SCN10A: variants seen among roughly 807,000 people sequenced by gnomAD.
SCN10A encodes sodium voltage-gated channel alpha subunit 10, also known as sodium channel protein type 10 subunit alpha.
SCN10A carries 162 observed loss-of-function variants against 170.7 expected under a neutral mutation model. That is an observed-to-expected ratio of 0.95 (90% confidence interval 0.84 to 1.08). The LOEUF (loss-of-function observed/expected upper bound fraction) is 1.08. Among genes scored for constraint, SCN10A ranks in the 50% least tolerant of loss-of-function variants. The pLI, the probability that SCN10A is intolerant of heterozygous loss-of-function variation, is 0.00. For synonymous variants in SCN10A, 985 were observed against 904.6 expected (o/e 1.09, Z -1.59); for missense variants, 2,527 against 2,436.9 (o/e 1.04, Z -0.78).
intron 13 of SCN10A, among the ~76,000 whole-genome samples, chr3:38,743,801 A>G (rs182555158): frequency 3.9e-5 from 6 of 152,034 alleles, no homozygotes; most frequent in African/African-American, 1.2e-4. Flanking sequence ...GTGTTTTTGA[A>G]TCTCATAGCC....
At position 38,750,199 on chromosome 3, in the gene SCN10A, A is replaced by G. The variant is rs368833802; in HGVS notation, c.1756-15T>C. ...GCATCGAATGCCTGTTGAGACACAA[A>G]CAGAGTCAGGACGCTCCTTTAACCT... On this transcript the variant is annotated splice_polypyrimidine_tract_variant and intron_variant, in intron 12 of 27. Coordinates refer to ENST00000449082, the MANE Select transcript of SCN10A (RefSeq NM_006514.4). The G allele has an allele frequency of 2.0e-6, 3 of 1,522,870 alleles. No homozygotes were observed. The highest frequency in any genetic ancestry group is 2.7e-5 in the African/African-American group (2 of 73,178). 94.3% of individuals were successfully genotyped at this position (1,522,870 alleles called of 1,614,324 possible).
intron 20 of SCN10A, 51 bp downstream of exon 20, chr3:38,722,207 A>C: frequency 2.5e-5 from 39 of 1,554,852 alleles, no homozygotes; most frequent in East Asian, 4.5e-5. Flanking sequence ...TTTGGATTGT[A>C]GGAGATTCCT....
chr3:38,771,941 G>A (rs141906309), intron 4 of SCN10A, among the ~76,000 whole-genome samples: 1 of 152,186 alleles, frequency 6.6e-6, no homozygotes, highest in Non-Finnish European at 1.5e-5. Flanking sequence ...AGCAAGGTTT[G>A]GGGGAGGGTG....
intron 4 of SCN10A, among the ~76,000 whole-genome samples, chr3:38,783,450 C>A (rs1322581453): frequency 3.3e-5 from 5 of 151,962 alleles, no homozygotes; most frequent in African/African-American, 9.7e-5. Context: ...TATAAATGAA[C>A]CTTGTTTATG....
At chr3:38,750,002 C>T (rs2063730490) in intron 13 of SCN10A, 71 bp downstream of exon 13, 2 of 820,658 alleles carry the variant, frequency 2.4e-6, no homozygotes, top group East Asian at 2.5e-5. Flanking sequence ...GAGTTAGAGA[C>T]ATTGCTTCTG....
At chr3:38,718,453 T>C (rs1252630769) in intron 21 of SCN10A, among the ~76,000 whole-genome samples, 200 bp downstream of exon 21, 1 of 152,228 alleles carries the variant, frequency 6.6e-6, no homozygotes, top group Non-Finnish European at 1.5e-5. Flanking sequence ...TAACAGTCAC[T>C]ATTGTGTCAC....
In SCN10A at chr3:38,755,887, AT is replaced by A; in HGVS notation, c.1361del (p.Asn454MetfsTer9). ...SHNGSPLTSK[N>X]ASERRHRIKP... ...TTATTCTATGCCTTCTCTCACTGGC[AT>A]TTTTGGAGGTTAAAGGTGATCCATT... On this transcript the variant is annotated frameshift_variant, in exon 11 of 28. Coordinates refer to ENST00000449082, the MANE Select transcript of SCN10A (RefSeq NM_006514.4). LOFTEE classifies it high-confidence loss of function. The A allele has an allele frequency of 6.2e-7, 1 of 1,614,152 alleles. No homozygotes were observed. Among genetic ancestry groups the A allele is most frequent in the South Asian group, 1.1e-5 (1 of 91,074 alleles).
chr3:38,720,685 C>T (rs1234887096), intron 20 of SCN10A, among the ~76,000 whole-genome samples: 1 of 151,576 alleles, frequency 6.6e-6, no homozygotes, highest in Non-Finnish European at 1.5e-5. Context: ...GAGCTTCCTC[C>T]TGGGAATGTG....
intron 27 of SCN10A, among the ~76,000 whole-genome samples, chr3:38,701,523 T>TA (rs991871822): frequency 2.6e-5 from 4 of 152,200 alleles, no homozygotes; most frequent in Non-Finnish European, 5.9e-5. Context: ...TCCATCATCT[T>TA]ACGGTCTGAG....
At chr3:38,755,616 T>C (rs770429425) in intron 11 of SCN10A, among the ~76,000 whole-genome samples, 172 bp downstream of exon 11, 1 of 152,146 alleles carries the variant, frequency 6.6e-6, no homozygotes, top group Non-Finnish European at 1.5e-5. Flanking sequence ...CTTTTCCCCA[T>C]CTATAATTAC....
Position 38,698,213 on chromosome 3 carries a change from G to A in SCN10A, c.5007C>T (p.Pro1669=). 1 of 1,614,146 alleles carries A rather than the reference G, an allele frequency of 6.2e-7. No individual in the cohort carries two copies. Among genetic ancestry groups the A allele is most frequent in the East Asian group, 2.2e-5 (1 of 44,878 alleles). The change falls in exon 28 of 28, where the codon CCC becomes CCT. Residue 1669 remains proline (P), a synonymous_variant. Coordinates refer to ENST00000449082, the MANE Select transcript of SCN10A (RefSeq NM_006514.4). The part of the protein sequence containing the change: ...TSAGWDGLLS[P]ILNTGPPYCD... Reference sequence around the variant, plus strand: ...AGTAGGGGGGCCCTGTGTTGAGGATGGGGCTGAGGAGGCCATCCCAGCCGG... The same window carrying A: ...AGTAGGGGGGCCCTGTGTTGAGGATAGGGCTGAGGAGGCCATCCCAGCCGG...
intron 15 of SCN10A, among the ~76,000 whole-genome samples, chr3:38,737,755 TC>T (rs1559433718): frequency 9.9e-4 from 97 of 97,658 alleles, no homozygotes; most frequent in African/African-American, 3.7e-3. Context: ...CCTCTCTCTC[TC>T]CCTCCCTCCC....
chr3:38,722,207 A>G, intron 20 of SCN10A, 51 bp downstream of exon 20: 1 of 1,554,962 alleles, frequency 6.4e-7, no homozygotes, highest in Admixed American at 1.7e-5. Context: ...TTTGGATTGT[A>G]GGAGATTCCT....
intron 27 of SCN10A, among the ~76,000 whole-genome samples, chr3:38,700,285 A>G (rs1559408275): frequency 6.6e-6 from 1 of 152,038 alleles, no homozygotes; most frequent in Non-Finnish European, 1.5e-5. Flanking sequence ...AGGAGCTGGG[A>G]GGAGGGGAAA....
chr3:38,723,315 G>C (rs531534134), intron 19 of SCN10A, 115 bp downstream of exon 19: 1 of 1,312,940 alleles, frequency 7.6e-7, no homozygotes, highest in African/African-American at 1.4e-5. Flanking sequence ...CTGGGAGTGA[G>C]GCAGCAAGTG....
intron 26 of SCN10A, 43 bp downstream of exon 26, chr3:38,707,236 G>T (rs369198406): frequency 2.6e-5 from 41 of 1,592,184 alleles, no homozygotes; most frequent in Non-Finnish European, 3.4e-5. Context: ...TGTCATGTTG[G>T]ATTCACAGAC....
chr3:38,718,813 T>C lies in SCN10A; in HGVS notation c.3521A>G (p.Tyr1174Cys), dbSNP rs1167279918. 3.7e-6 allele frequency: 6 copies of C among 1,614,032 alleles called. No homozygotes were observed. Among genetic ancestry groups the C allele is most frequent in the Non-Finnish European group, 4.2e-6 (5 of 1,180,022 alleles). The change falls in exon 21 of 28, where the codon TAT (tyrosine) becomes TGT (cysteine). Residue 1174 changes from tyrosine (Y) to cysteine (C), a missense_variant. Transcript: ENST00000449082. ...LSSGSLAFED[Y>C]YLDQKPTVKA... is the part of the protein sequence containing the mutation. ...CACCGTGGGCTTCTGGTCCAGGTAA[T>C]AGTCTTCAAAGGCCTGGAAGGAAGA... is the stretch of plus-strand genomic sequence containing the variant.
At chr3:38,725,098 A>G in intron 18 of SCN10A, 76 bp downstream of exon 18, 1 of 1,389,266 alleles carries the variant, frequency 7.2e-7, no homozygotes, top group South Asian at 1.7e-5. Context: ...CTTCACCGCC[A>G]CCCTCCAGCC....
chr3:38,739,838 G>C (rs1027596097), intron 14 of SCN10A, 150 bp from the exon 15 acceptor site: 1 of 653,416 alleles, frequency 1.5e-6, no homozygotes, highest in South Asian at 2.1e-5. Context: ...CTGAGGATTG[G>C]CCAGGGTAAC....
Sources: allele counts gnomAD v4.1 joint callset (sites outside exome capture counted in the v4.1 genomes callset), GRCh38; gene constraint gnomAD v4.1.1; transcripts MANE v1.5; gene names NCBI Gene and HGNC (gene_info 2026-07-23, HGNC 2026-07-21).